Variants in TCF7L2 observed in about 807,000 individuals in gnomAD.
TCF7L2 encodes the protein transcription factor 7 like 2.
In TCF7L2, 23 loss-of-function variants were observed where a neutral mutation model predicts 77.9. That is an observed-to-expected ratio of 0.30 (90% confidence interval 0.21 to 0.42). The LOEUF (loss-of-function observed/expected upper bound fraction) is 0.42, where lower values mean the gene tolerates loss of function less well. Ranked by LOEUF, TCF7L2 falls within the 10% of genes least tolerant of loss-of-function variation. TCF7L2 has a pLI of 1.00. For missense variants in TCF7L2, 654 were observed against 793.1 expected, an observed-to-expected ratio of 0.82 and a Z score of 2.11; for synonymous variants, 413 against 340.2, an observed-to-expected ratio of 1.21 and a Z score of -2.36.
chr10:113,140,568 GTTTAGAGCTTTCTGGTAAAGTTCAC>G (rs1275392611), intron 5 of TCF7L2, among the ~76,000 whole-genome samples: 2 of 152,218 alleles, frequency 1.3e-5, no homozygotes, highest in African/African-American at 4.8e-5. Context: ...TTGTCAGGCA[GTTTAGAGCTTTCTGGTAAAGTTCAC>G]ACTCCCACCC....
chr10:112,966,184 T>TTTTA (rs1554876896), intron 4 of TCF7L2, among the ~76,000 whole-genome samples: 6 of 114,276 alleles, frequency 5.3e-5, no homozygotes, highest in African/African-American at 2.9e-4. Flanking sequence ...TAAAATATAT[T>TTTTA]TATATATATA....
At chr10:113,136,639 C>G (rs776142824) in intron 5 of TCF7L2, among the ~76,000 whole-genome samples, 3 of 152,140 alleles carry the variant, frequency 2.0e-5, no homozygotes, top group East Asian at 1.9e-4. Flanking sequence ...CCTGGCCTTA[C>G]GTTGAGCTGT....
chr10:113,068,265 T>C (rs2057511245), intron 5 of TCF7L2, among the ~76,000 whole-genome samples: 1 of 152,216 alleles, frequency 6.6e-6, no homozygotes, highest in Non-Finnish European at 1.5e-5. Context: ...AGAACAACTT[T>C]TTGGACAAAA....
At chr10:113,021,070 A>G (rs1452195742) in intron 4 of TCF7L2, among the ~76,000 whole-genome samples, 2 of 152,164 alleles carry the variant, frequency 1.3e-5, no homozygotes, top group Non-Finnish European at 2.9e-5. Flanking sequence ...GCTGGCATCA[A>G]TAAATATTTG....
At chr10:112,959,854 A>G (rs924625503) in intron 3 of TCF7L2, among the ~76,000 whole-genome samples, 1 of 152,196 alleles carries the variant, frequency 6.6e-6, no homozygotes, top group Non-Finnish European at 1.5e-5. Flanking sequence ...TCTTAGGTAT[A>G]CTAAAAAAAA....
intron 5 of TCF7L2, among the ~76,000 whole-genome samples, chr10:113,068,864 T>G (rs1331186542): frequency 2.0e-5 from 3 of 151,878 alleles, no homozygotes; most frequent in Non-Finnish European, 4.4e-5. Context: ...ACTCTTGGAC[T>G]CCTCCTTACA....
intron 5 of TCF7L2, among the ~76,000 whole-genome samples, chr10:113,070,609 T>TAG (rs1238386913): frequency 6.6e-6 from 1 of 152,166 alleles, no homozygotes; most frequent in East Asian, 1.9e-4. Context: ...TTGGAGTAGA[T>TAG]ACTATCATCC....
At chr10:113,160,445 T>A (rs530887002) in intron 12 of TCF7L2, among the ~76,000 whole-genome samples, 44 of 151,992 alleles carry the variant, frequency 2.9e-4, no homozygotes, top group African/African-American at 1.0e-3. Flanking sequence ...TATTTTATTA[T>A]TTTTTTTCTT....
chr10:113,162,243 A>G (rs1361567666), intron 13 of TCF7L2, among the ~76,000 whole-genome samples: 1 of 152,216 alleles, frequency 6.6e-6, no homozygotes, highest in Non-Finnish European at 1.5e-5. Context: ...ATCTGTAGAA[A>G]TGTACAACTG....
At chr10:112,980,784 G>A (rs1198369850) in intron 4 of TCF7L2, among the ~76,000 whole-genome samples, 2 of 152,002 alleles carry the variant, frequency 1.3e-5, no homozygotes, top group East Asian at 3.9e-4. Context: ...CCACCACCAC[G>A]CCCGGCTAAT....
chr10:113,129,546 G>T, intron 5 of TCF7L2: 1 of 1,013,454 alleles, frequency 9.9e-7, no homozygotes. Context: ...ATTATTAGTG[G>T]ACTTTTTTGT....
chr10:113,142,152 G>A (rs1483247699), intron 6 of TCF7L2, among the ~76,000 whole-genome samples: 3 of 152,182 alleles, frequency 2.0e-5, no homozygotes, highest in African/African-American at 4.8e-5. Context: ...CTACAGGCAT[G>A]TGCCACCATA....
intron 5 of TCF7L2, chr10:113,125,539 C>A (rs1378858111): frequency 7.2e-5 from 11 of 152,058 alleles, no homozygotes; most frequent in Non-Finnish European, 1.6e-4. Flanking sequence ...CCCTGTCAGT[C>A]AGAAATAATT....
In TCF7L2 at chr10:112,950,612, C is replaced by T. The variant is rs1263492313; in HGVS notation, c.-145C>T. On this transcript the variant is annotated 5_prime_UTR_variant, in exon 1 of 14. Coordinates refer to ENST00000627217, the MANE Select transcript of TCF7L2 (RefSeq NM_001146274.2). ...TTTCCCCTCCCCAGGAGAAAAAGAC[C>T]CCCAAGCAGAAAAAAGTTCACCTTG... 7 of 849,732 alleles carry T rather than the reference C, an allele frequency of 8.2e-6. No individual in the cohort carries two copies. The highest frequency in any genetic ancestry group is 3.5e-5 in the African/African-American group (2 of 56,622). 52.6% of individuals were successfully genotyped at this position (849,732 alleles called of 1,614,324 possible).
chr10:113,137,256 T>A (rs1014929904), intron 5 of TCF7L2, among the ~76,000 whole-genome samples: 1 of 152,182 alleles, frequency 6.6e-6, no homozygotes, highest in Admixed American at 6.5e-5. Flanking sequence ...GTATCCCCCC[T>A]GCTCCGTGAA....
intron 5 of TCF7L2, among the ~76,000 whole-genome samples, chr10:113,094,020 T>C (rs1172751094): frequency 6.6e-6 from 1 of 152,254 alleles, no homozygotes; most frequent in Admixed American, 6.5e-5. Flanking sequence ...TGTCCTGATT[T>C]TGTGGTTGAC....
At chr10:113,152,163 A>T (rs1348135526) in intron 10 of TCF7L2, among the ~76,000 whole-genome samples, 170 bp from the exon 11 acceptor site, 1 of 152,250 alleles carries the variant, frequency 6.6e-6, no homozygotes, top group African/African-American at 2.4e-5. Context: ...CATTCCTGTT[A>T]GTGCCAGGAC....
In TCF7L2 at chr10:113,143,954, A is replaced by G. The variant is rs1412869167; in HGVS notation, c.717A>G (p.Ile239Met). ...CACGGCCTCCGCACCCTCCAGATAT[A>G]TCCCCGTATTACCCACTATCGCCTG... Residue 239 changes from isoleucine (I) to methionine (M), a missense_variant, in exon 7 of 14, where the codon ATA becomes ATG. Ile to Met is a conservative substitution (Grantham distance 10). This residue lies in a region of TCF7L2 where 179 missense variants were observed against 270.6 expected (regional missense o/e 0.66). Coordinates refer to ENST00000627217, the MANE Select transcript of TCF7L2 (RefSeq NM_001146274.2). 1 of 1,613,908 alleles carries G rather than the reference A, an allele frequency of 6.2e-7. No individual in the cohort carries two copies.
rs2036754580 is a variant in TCF7L2 at position 112,966,184 on chromosome 10, T to TATATATATATATATATA, written c.450+1560_450+1561insATATATATATATATATA. On this transcript the variant is annotated intron_variant, in intron 4 of 13. Transcript: ENST00000627217. ...GAGTGAGACTCTGTCTAAAATATAT[T>TATATATATATATATATA]TATATATATATATATATATATATAT... Among the ~76,000 whole-genome samples the TATATATATATATATATA allele has an allele frequency of 1.1e-4, 13 of 114,228 alleles. 1 individual carries two copies. Among genetic ancestry groups the TATATATATATATATATA allele is most frequent in the African/African-American group, 5.2e-4 (11 of 21,016 alleles). The allele number at this position is 114,228 out of a possible 152,430, so 74.9% of individuals were successfully genotyped here.
Sources: allele counts gnomAD v4.1 joint callset (sites outside exome capture counted in the v4.1 genomes callset), GRCh38; gene constraint gnomAD v4.1.1; regional missense constraint gnomAD v4.1.1; transcripts MANE v1.5; gene names NCBI Gene and HGNC (gene_info 2026-07-23, HGNC 2026-07-21).